MRTFA: variants seen among roughly 807,000 people sequenced by gnomAD.
MRTFA encodes myocardin-related transcription factor A.
MRTFA carries 20 observed loss-of-function variants against 83.5 expected under a neutral mutation model. That is an observed-to-expected ratio of 0.24 (90% CI 0.17 to 0.35). The LOEUF (loss-of-function observed/expected upper bound fraction) is 0.35. MRTFA is among the 10% of genes least tolerant of loss of function. MRTFA has a pLI of 1.00. For missense variants in MRTFA, 1,200 were observed against 1,224.7 expected (o/e 0.98, Z 0.30); for synonymous variants, 659 against 541.2 (o/e 1.22, Z -3.02).
chr22:40,538,986 TTTTG>T (rs1287315496), intron 3 of MRTFA, among the ~76,000 whole-genome samples: 5 of 113,208 alleles, frequency 4.4e-5, no homozygotes, highest in South Asian at 2.8e-4. Flanking sequence ...ATACACAGCC[TTTTG>T]TTTTTTTTTT....
intron 3 of MRTFA, among the ~76,000 whole-genome samples, chr22:40,477,895 A>T (rs759936713): frequency 6.6e-6 from 1 of 152,092 alleles, no homozygotes; most frequent in Non-Finnish European, 1.5e-5. Context: ...CAGTTTAGGA[A>T]CATGTAGTCA....
chr22:40,547,510 T>C (rs962896069), intron 3 of MRTFA, among the ~76,000 whole-genome samples: 3 of 152,026 alleles, frequency 2.0e-5, no homozygotes, highest in Non-Finnish European at 4.4e-5. Context: ...GTTCAAGAAA[T>C]AGCAAGAAGT....
chr22:40,610,039 TTC>T (rs1491193286), intron 1 of MRTFA, among the ~76,000 whole-genome samples: 298 of 151,002 alleles, frequency 2.0e-3, no homozygotes, highest in Non-Finnish European at 3.5e-3. Context: ...TTTCTTTTTT[TTC>T]TCTTTTTTTT....
chr22:40,424,423 G>C (rs1256798109), intron 7 of MRTFA, 42 bp from the exon 8 acceptor site: 3 of 1,601,144 alleles, frequency 1.9e-6, no homozygotes, highest in Non-Finnish European at 2.6e-6. Context: ...TCCAGCCCAG[G>C]GAACAGATGA....
chr22:40,500,531 G>A (rs2054447796), intron 3 of MRTFA, among the ~76,000 whole-genome samples: 1 of 151,582 alleles, frequency 6.6e-6, no homozygotes, highest in Admixed American at 6.6e-5. Context: ...CTAGGCAGAG[G>A]ACCCTGCAGC....
At chr22:40,459,863 A>ATATATATATG (rs373473040) in intron 4 of MRTFA, among the ~76,000 whole-genome samples, 1 of 136,844 alleles carries the variant, frequency 7.3e-6, no homozygotes, top group Non-Finnish European at 1.5e-5. Flanking sequence ...ATATATATAT[A>ATATATATATG]CACACATGAA....
In MRTFA at chr22:40,569,766, T is replaced by TCC. The variant is rs1569333135; in HGVS notation, c.-21-17400_-21-17399insGG. 384 of 144,356 alleles carry TCC rather than the reference T, an allele frequency of 2.7e-3. 5 individuals are homozygous for TCC. Among genetic ancestry groups the TCC allele is most frequent in the Admixed American group, 0.01 (146 of 14,506 alleles). The allele number at this position is 144,356 out of a possible 1,614,324, so 8.9% of individuals were successfully genotyped here. The stretch of plus-strand genomic sequence containing the variant: ...ATACATACATACATACATACATACA[T>TCC]ACATACATACATCAAGGGGGTGATG... On this transcript the variant is annotated intron_variant, in intron 2 of 14. Transcript: ENST00000355630.
intron 2 of MRTFA, chr22:40,587,290 A>G: frequency 2.1e-6 from 1 of 483,586 alleles, no homozygotes; most frequent in Non-Finnish European, 4.2e-6. Flanking sequence ...GCCCATCAGG[A>G]GCAAGTTTCA....
intron 3 of MRTFA, among the ~76,000 whole-genome samples, chr22:40,540,212 C>T (rs1366496437): frequency 6.6e-6 from 1 of 152,120 alleles, no homozygotes; most frequent in Non-Finnish European, 1.5e-5. Flanking sequence ...ACACCCAGCC[C>T]AGGTTAAAGT....
chr22:40,419,291 G>T lies in MRTFA; in HGVS notation c.1447C>A (p.Gln483Lys), dbSNP rs2052773289. ...GGGGCTCCTGGCACAGGGCTGATTT[G>T]GTCTTGATAGGCTCGAAGGCGCTCA... The change falls in exon 12 of 15, where the codon CAA becomes AAA. Residue 483 changes from glutamine (Q) to lysine (K), a missense_variant. By Grantham distance (53) the Gln-to-Lys change is moderately conservative. Transcript: ENST00000355630. 2 of 1,613,920 alleles carry T rather than the reference G, an allele frequency of 1.2e-6. No homozygotes were observed. Among genetic ancestry groups the T allele is most frequent in the Non-Finnish European group, 1.7e-6 (2 of 1,179,976 alleles).
chr22:40,452,109 G>A (rs977536113), intron 4 of MRTFA, among the ~76,000 whole-genome samples: 6 of 149,772 alleles, frequency 4.0e-5, no homozygotes, highest in South Asian at 2.1e-4. Flanking sequence ...TCAGCCTCCC[G>A]AGTAGCTGGG....
rs2052478772 is a variant in MRTFA at position 40,410,533 on chromosome 22, A to C, written c.*857T>G. The C allele has an allele frequency of 4.3e-6, 1 of 233,186 alleles. No homozygotes were observed. Among genetic ancestry groups the C allele is most frequent in the African/African-American group, 2.2e-5 (1 of 45,308 alleles). 14.4% of individuals were successfully genotyped at this position (233,186 alleles called of 1,614,324 possible). A position where few individuals can be genotyped will look rare whatever the true frequency, so the allele number is the denominator to read the frequency against. ...GGGGACGGAATGTGAGTGGGTGGAGAGCTCCTGGCAGGAAGGCCAGGTAGC... is the reference window on the plus strand; with the variant it reads ...GGGGACGGAATGTGAGTGGGTGGAGCGCTCCTGGCAGGAAGGCCAGGTAGC... On this transcript the variant is annotated 3_prime_UTR_variant, in exon 15 of 15. Coordinates refer to ENST00000355630, the MANE Select transcript of MRTFA (RefSeq NM_020831.6).
chr22:40,607,495 C>T (rs1339461089), intron 1 of MRTFA, among the ~76,000 whole-genome samples: 1 of 142,084 alleles, frequency 7.0e-6, no homozygotes, highest in African/African-American at 2.6e-5. Flanking sequence ...CAGAGCGAGA[C>T]TCCGTCTCAA....
intron 12 of MRTFA, 135 bp downstream of exon 12, chr22:40,418,239 C>G (rs1009674129): frequency 1.2e-5 from 17 of 1,462,402 alleles, no homozygotes; most frequent in South Asian, 4.3e-5. Context: ...CTCAGTACCC[C>G]CCTGGTGAAG....
chr22:40,586,924 GTGC>G (rs971204262), intron 2 of MRTFA: 315 of 363,358 alleles, frequency 8.7e-4, no homozygotes, highest in Middle Eastern at 1.9e-3. Flanking sequence ...GCTGGTGCTG[GTGC>G]TGCTGCTGCT....
At chr22:40,504,966 A>G (rs2054556816) in intron 3 of MRTFA, among the ~76,000 whole-genome samples, 1 of 152,212 alleles carries the variant, frequency 6.6e-6, no homozygotes, top group Non-Finnish European at 1.5e-5. Flanking sequence ...TTTGTAGCAT[A>G]ATGACTATAT....
intron 7 of MRTFA, among the ~76,000 whole-genome samples, chr22:40,428,335 C>T (rs1325809979): frequency 6.6e-6 from 1 of 152,180 alleles, no homozygotes; most frequent in Admixed American, 6.5e-5. Flanking sequence ...CTGGTGTCCA[C>T]TGGAGAACTG....
intron 2 of MRTFA, among the ~76,000 whole-genome samples, chr22:40,594,395 GTACA>G (rs2056162291): frequency 6.6e-6 from 1 of 152,056 alleles, no homozygotes; most frequent in Non-Finnish European, 1.5e-5. Flanking sequence ...GTGTGGGTGG[GTACA>G]TGTGTAAATT....
chr22:40,621,865 G>T (rs2056526820), intron 1 of MRTFA, among the ~76,000 whole-genome samples: 1 of 152,122 alleles, frequency 6.6e-6, no homozygotes, highest in Non-Finnish European at 1.5e-5. Context: ...TCTGAAACCG[G>T]AATTATCTAT....
Sources: gnomAD v4.1 joint callset for allele counts (sites outside exome capture counted in the v4.1 genomes callset) on GRCh38, gnomAD v4.1.1 for gene constraint, MANE v1.5 for transcripts, NCBI Gene and HGNC (gene_info 2026-07-23, HGNC 2026-07-21) for gene names.